ZMYND11: variants seen among roughly 807,000 people sequenced by gnomAD.
The protein encoded by ZMYND11 is zinc finger MYND-type containing 11, also known as zinc finger MYND domain-containing protein 11.
A neutral mutation model predicts 84.9 loss-of-function variants in ZMYND11; 9 were observed. That is an observed-to-expected ratio of 0.11 (90% CI 0.06 to 0.18). The LOEUF (loss-of-function observed/expected upper bound fraction) is 0.18. Among genes scored for constraint, ZMYND11 ranks in the 10% least tolerant of loss-of-function variants. The probability of loss-of-function intolerance (pLI) is 1.00; values close to 1 mark genes in which losing one functional copy is unlikely to be tolerated. For synonymous variants in ZMYND11, 250 were observed against 244.1 expected (o/e 1.02, Z -0.23); for missense variants, 409 against 761.0 (o/e 0.54, Z 5.44).
At chr10:177,067 G>A (rs1846797342) in intron 1 of ZMYND11, among the ~76,000 whole-genome samples, 1 of 152,140 alleles carries the variant, frequency 6.6e-6, no homozygotes, top group South Asian at 2.1e-4. Flanking sequence ...CACTAGTCAT[G>A]TACTGGATGA....
rs563907319 is a variant in ZMYND11 at position 195,426 on chromosome 10, A to G, written c.117-14463A>G. On this transcript the variant is annotated intron_variant, in intron 2 of 14. Transcript: ENST00000381604. ...TGAAAAAAATTAGGCTGGTGCCACC[A>G]TAATAGTGATCATTCACAGTAGAAT... Among the ~76,000 whole-genome samples the G allele has an allele frequency of 1.6e-3, 246 of 152,380 alleles. 1 individual carries two copies. Among genetic ancestry groups the G allele is most frequent in the African/African-American group, 5.6e-3 (233 of 41,606 alleles).
At chr10:199,500 C>G (rs781272399) in intron 2 of ZMYND11, among the ~76,000 whole-genome samples, 27 of 152,224 alleles carry the variant, frequency 1.8e-4, no homozygotes, top group Non-Finnish European at 2.2e-4. Context: ...GCAATCACAG[C>G]TCTCTTGCAG....
intron 4 of ZMYND11, among the ~76,000 whole-genome samples, chr10:232,361 A>G (rs1949150471): frequency 6.6e-6 from 1 of 152,244 alleles, no homozygotes; most frequent in Non-Finnish European, 1.5e-5. Flanking sequence ...TTTGTGAAAT[A>G]CCAAGTCTCT....
intron 2 of ZMYND11, among the ~76,000 whole-genome samples, chr10:185,410 T>C (rs1278973484): frequency 6.6e-6 from 1 of 151,234 alleles, no homozygotes; most frequent in Non-Finnish European, 1.5e-5. Flanking sequence ...TTCCAGTAAC[T>C]CTATCTAGTA....
intron 1 of ZMYND11, among the ~76,000 whole-genome samples, chr10:158,128 A>G (rs2131427291): frequency 6.6e-6 from 1 of 152,236 alleles, no homozygotes; most frequent in African/African-American, 2.4e-5. Context: ...TCATCAGTTG[A>G]TGGACATTTG....
intron 4 of ZMYND11, among the ~76,000 whole-genome samples, chr10:222,921 T>C (rs1323468905): frequency 6.6e-6 from 1 of 152,212 alleles, no homozygotes; most frequent in Non-Finnish European, 1.5e-5. Context: ...GTATTTCTTA[T>C]GGTAAGAATG....
At chr10:242,243 G>GAAA in intron 10 of ZMYND11, 104 bp downstream of exon 10, 8 of 1,332,788 alleles carry the variant, frequency 6.0e-6, no homozygotes, top group South Asian at 3.2e-5. Flanking sequence ...ATTTTAAATT[G>GAAA]GAAAAAAAAA....
chr10:201,730 A>G (rs1051701217), intron 2 of ZMYND11, among the ~76,000 whole-genome samples: 2 of 151,968 alleles, frequency 1.3e-5, no homozygotes, highest in African/African-American at 4.8e-5. Flanking sequence ...CCTGGGAGAG[A>G]AGGGAGCGCT....
chr10:167,050 C>T (rs1844172248), intron 1 of ZMYND11, among the ~76,000 whole-genome samples: 1 of 151,974 alleles, frequency 6.6e-6, no homozygotes, highest in South Asian at 2.1e-4. Flanking sequence ...TTAATAGATA[C>T]AGAAAGTGGA....
intron 1 of ZMYND11, among the ~76,000 whole-genome samples, chr10:138,407 G>T (rs982890455): frequency 6.6e-6 from 1 of 152,110 alleles, no homozygotes; most frequent in Non-Finnish European, 1.5e-5. Context: ...GTGAGCCACC[G>T]CACCCGGCCC....
intron 2 of ZMYND11, among the ~76,000 whole-genome samples, chr10:199,054 C>A (rs1205105318): frequency 2.0e-5 from 3 of 152,182 alleles, no homozygotes; most frequent in Non-Finnish European, 2.9e-5. Flanking sequence ...GTCTCCCTGT[C>A]CCCATGAGAT....
chr10:211,891 G>T (rs1461962094), intron 3 of ZMYND11, among the ~76,000 whole-genome samples: 1 of 152,024 alleles, frequency 6.6e-6, no homozygotes, highest in African/African-American at 2.4e-5. Flanking sequence ...TATTGCCTCA[G>T]GTATTTAAAG....
intron 2 of ZMYND11, among the ~76,000 whole-genome samples, chr10:201,520 T>G (rs1295107525): frequency 2.0e-5 from 3 of 151,632 alleles, no homozygotes; most frequent in African/African-American, 7.3e-5. Flanking sequence ...TTTCAGGAAA[T>G]TATGACTCAT....
At chr10:205,431 T>A (rs1943946960) in intron 2 of ZMYND11, among the ~76,000 whole-genome samples, 2 of 152,322 alleles carry the variant, frequency 1.3e-5, no homozygotes, top group South Asian at 4.1e-4. Context: ...AGCTCATGCC[T>A]GTAATCCTAG....
intron 14 of ZMYND11, among the ~76,000 whole-genome samples, chr10:251,539 A>T (rs1197130684): frequency 6.6e-6 from 1 of 152,154 alleles, no homozygotes; most frequent in Non-Finnish European, 1.5e-5. Context: ...CAGAACTTTC[A>T]TATTTATACT....
chr10:172,829 A>G (rs1554766025), intron 1 of ZMYND11, among the ~76,000 whole-genome samples: 1 of 152,198 alleles, frequency 6.6e-6, no homozygotes, highest in Non-Finnish European at 1.5e-5. Flanking sequence ...ATACTACCTG[A>G]CTTAAAGACT....
intron 4 of ZMYND11, among the ~76,000 whole-genome samples, chr10:222,009 T>A (rs1179216295): frequency 6.6e-6 from 1 of 152,206 alleles, no homozygotes; most frequent in African/African-American, 2.4e-5. Flanking sequence ...GGTATGTGTG[T>A]GTATACGAGT....
chr10:166,418 T>C (rs1554763856), intron 1 of ZMYND11, among the ~76,000 whole-genome samples: 1 of 151,904 alleles, frequency 6.6e-6, no homozygotes, highest in Non-Finnish European at 1.5e-5. Flanking sequence ...GACAACCCAA[T>C]TAAAAATGGG....
At chr10:185,299 G>T (rs1937921707) in intron 2 of ZMYND11, among the ~76,000 whole-genome samples, 1 of 151,936 alleles carries the variant, frequency 6.6e-6, no homozygotes, top group African/African-American at 2.4e-5. Context: ...TCAGAGATTT[G>T]TTCTCACCTG....
Sources: gnomAD v4.1 joint callset for allele counts (sites outside exome capture counted in the v4.1 genomes callset) on GRCh38, gnomAD v4.1.1 for gene constraint, MANE v1.5 for transcripts, NCBI Gene and HGNC (gene_info 2026-07-23, HGNC 2026-07-21) for gene names.